SGCZ: variants seen among roughly 807,000 people sequenced by gnomAD.
SGCZ encodes the protein sarcoglycan zeta, also known as zeta-sarcoglycan.
In SGCZ, 40 loss-of-function variants were observed where a neutral mutation model predicts 41.3. That is an observed-to-expected ratio of 0.97 (90% CI 0.75 to 1.26). The LOEUF (loss-of-function observed/expected upper bound fraction) is 1.26. SGCZ is among the 50% of genes most tolerant of loss of function. SGCZ has a pLI of 0.00. For missense variants in SGCZ, 552 were observed against 369.8 expected, an observed-to-expected ratio of 1.49 and a Z score of -4.04; for synonymous variants, 206 against 137.5, an observed-to-expected ratio of 1.50 and a Z score of -3.49.
chr8:14,583,406 C>A (rs1476063775), intron 1 of SGCZ, among the ~76,000 whole-genome samples: 2 of 152,174 alleles, frequency 1.3e-5, no homozygotes, highest in African/African-American at 2.4e-5. Flanking sequence ...TGGATATTAG[C>A]CCTTTGTCAG....
chr8:14,480,377 C>T (rs994412361), intron 2 of SGCZ, among the ~76,000 whole-genome samples: 2 of 152,096 alleles, frequency 1.3e-5, no homozygotes, highest in African/African-American at 4.8e-5. Context: ...TCTCCAGCCT[C>T]CTTGGCTAAT....
chr8:14,810,108 T>C (rs1801695364), intron 1 of SGCZ, among the ~76,000 whole-genome samples: 2 of 151,970 alleles, frequency 1.3e-5, no homozygotes, highest in South Asian at 4.1e-4. Flanking sequence ...GGTAAGGAAG[T>C]AATGGCAAAA....
intron 2 of SGCZ, among the ~76,000 whole-genome samples, chr8:14,548,188 C>T (rs1018893511): frequency 2.0e-5 from 3 of 152,016 alleles, no homozygotes; most frequent in East Asian, 3.9e-4. Context: ...ATAACTTGCA[C>T]GAGGTAATAG....
At chr8:14,689,622 A>C (rs1243530757) in intron 1 of SGCZ, among the ~76,000 whole-genome samples, 1 of 152,194 alleles carries the variant, frequency 6.6e-6, no homozygotes, top group Non-Finnish European at 1.5e-5. Context: ...ACACCTCCTT[A>C]CCAGTGGGAG....
intron 1 of SGCZ, among the ~76,000 whole-genome samples, chr8:14,600,743 A>T (rs1805565505): frequency 6.6e-6 from 1 of 152,218 alleles, no homozygotes; most frequent in African/African-American, 2.4e-5. Context: ...ATCATTTTAA[A>T]TTAAAGGTAT....
At chr8:14,472,598 T>C (rs1347824913) in intron 2 of SGCZ, among the ~76,000 whole-genome samples, 1 of 152,114 alleles carries the variant, frequency 6.6e-6, no homozygotes, top group Non-Finnish European at 1.5e-5. Flanking sequence ...TATTGATGTT[T>C]AAGCGTGCAG....
intron 1 of SGCZ, among the ~76,000 whole-genome samples, chr8:15,122,065 T>G (rs930130904): frequency 6.6e-6 from 1 of 152,122 alleles, no homozygotes; most frequent in Admixed American, 6.6e-5. Context: ...ACTAATTTAT[T>G]TGGCACCGTA....
chr8:15,199,453 A>G (rs1365244697), intron 1 of SGCZ, among the ~76,000 whole-genome samples: 4 of 152,184 alleles, frequency 2.6e-5, no homozygotes, highest in South Asian at 4.1e-4. Context: ...CGATACCATT[A>G]CTTATGAGAT....
At chr8:14,678,691 C>T (rs1282505671) in intron 1 of SGCZ, among the ~76,000 whole-genome samples, 1 of 152,150 alleles carries the variant, frequency 6.6e-6, no homozygotes, top group Non-Finnish European at 1.5e-5. Context: ...CACGGTCTTC[C>T]TCAAAAGGAA....
chr8:14,955,468 A>T (rs145731948), intron 1 of SGCZ, among the ~76,000 whole-genome samples: 1 of 152,296 alleles, frequency 6.6e-6, no homozygotes, highest in Admixed American at 6.5e-5. Flanking sequence ...AGGGATGTGC[A>T]TTTCAACTTA....
intron 1 of SGCZ, among the ~76,000 whole-genome samples, chr8:14,733,073 C>T (rs1037548278): frequency 6.6e-6 from 1 of 152,166 alleles, no homozygotes; most frequent in Non-Finnish European, 1.5e-5. Context: ...GTAAACGACT[C>T]ACCTGTGAGC....
At chr8:14,586,863 A>G (rs974108884) in intron 1 of SGCZ, among the ~76,000 whole-genome samples, 6 of 152,160 alleles carry the variant, frequency 3.9e-5, no homozygotes, top group Admixed American at 6.5e-5. Context: ...ATAGAATATA[A>G]TTAAAACGAG....
Position 14,843,970 on chromosome 8 carries a change from G to A in SGCZ, c.40-289044C>T, listed in dbSNP as rs974331147. Among the ~76,000 whole-genome samples the A allele has an allele frequency of 6.6e-5, 10 of 151,386 alleles. No individual in the cohort carries two copies. In the South Asian group the frequency reaches 1.5e-3, roughly 22 times the overall value. On this transcript the variant is annotated intron_variant, in intron 1 of 7. Transcript: ENST00000382080. ...GAAGGAAAGAAGATTTGATATCATGGGGAAGCTATGTTTTGTGTTCCAGGA... is the reference window on the plus strand; with the variant it reads ...GAAGGAAAGAAGATTTGATATCATGAGGAAGCTATGTTTTGTGTTCCAGGA...
chr8:14,773,322 CTTCAT>C (rs1218583772), intron 1 of SGCZ, among the ~76,000 whole-genome samples: 1 of 152,142 alleles, frequency 6.6e-6, no homozygotes, highest in African/African-American at 2.4e-5. Context: ...GTACATTTCC[CTTCAT>C]AAGTTCTCAA....
intron 2 of SGCZ, among the ~76,000 whole-genome samples, chr8:14,356,565 G>A (rs1008914364): frequency 1.3e-5 from 2 of 151,148 alleles, no homozygotes; most frequent in Non-Finnish European, 3.0e-5. Flanking sequence ...AAGTGTAGAT[G>A]CTCCTGATGA....
At chr8:14,145,325 C>T (rs1803488844) in intron 5 of SGCZ, among the ~76,000 whole-genome samples, 2 of 152,242 alleles carry the variant, frequency 1.3e-5, no homozygotes, top group South Asian at 2.1e-4. Flanking sequence ...ACCATCAAGG[C>T]TTAATATGCA....
intron 2 of SGCZ, among the ~76,000 whole-genome samples, chr8:14,551,480 T>TA (rs773471657): frequency 0.011 from 161 of 14,102 alleles, 10 homozygotes; most frequent in African/African-American, 0.024. Context: ...ATATTATATA[T>TA]TATATATATT....
chr8:14,266,972 AC>A (rs1363570091), intron 3 of SGCZ, among the ~76,000 whole-genome samples: 4 of 152,124 alleles, frequency 2.6e-5, no homozygotes, highest in African/African-American at 7.2e-5. Context: ...AGGAACTAGG[AC>A]AAAAGTGGAA....
chr8:15,094,956 G>T (rs926290711), intron 1 of SGCZ, among the ~76,000 whole-genome samples: 3 of 152,108 alleles, frequency 2.0e-5, no homozygotes, highest in Non-Finnish European at 4.4e-5. Flanking sequence ...TCGGGTATTT[G>T]TTCATAGCAA....
Sources: allele counts gnomAD v4.1 joint callset (sites outside exome capture counted in the v4.1 genomes callset), GRCh38; gene constraint gnomAD v4.1.1; transcripts MANE v1.5; gene names NCBI Gene and HGNC (gene_info 2026-07-23, HGNC 2026-07-21).